Variants in TIPARP observed in about 807,000 individuals in gnomAD.
The protein encoded by TIPARP is protein mono-ADP-ribosyltransferase TIPARP.
TIPARP carries 12 observed loss-of-function variants against 56.5 expected under a neutral mutation model. The ratio of observed to expected loss-of-function variants is 0.21; its 90% CI spans 0.14 to 0.34. The LOEUF is 0.34. TIPARP is among the 10% of genes least tolerant of loss of function. The pLI is 1.00. For synonymous variants in TIPARP, 296 were observed against 265.7 expected, an observed-to-expected ratio of 1.11 and a Z score of -1.11; for missense variants, 604 against 781.6, an observed-to-expected ratio of 0.77 and a Z score of 2.71.
chr3:156,690,930 C>CT (rs375599250), intron 2 of TIPARP, among the ~76,000 whole-genome samples: 41 of 152,276 alleles, frequency 2.7e-4, no homozygotes, highest in African/African-American at 9.6e-4. Flanking sequence ...TGCTTTGACT[C>CT]TAACTTCATC....
intron 3 of TIPARP, 24 bp from the exon 4 acceptor site, chr3:156,695,841 T>TTTTGTTTTTTTTTC: frequency 1.4e-6 from 2 of 1,385,862 alleles, no homozygotes; most frequent in Non-Finnish European, 1.9e-6. Flanking sequence ...TTTTTTTTTT[T>TTTTGTTTTTTTTTC]TTGTTCTGTT....
intron 2 of TIPARP, among the ~76,000 whole-genome samples, chr3:156,686,885 GTTTAT>G (rs1349899413): frequency 6.6e-6 from 1 of 151,842 alleles, no homozygotes. Context: ...TTATAAAAAC[GTTTAT>G]TTTATCCCTT....
At chr3:156,678,994 C>T (rs991973538) in intron 2 of TIPARP, among the ~76,000 whole-genome samples, 3 of 152,148 alleles carry the variant, frequency 2.0e-5, no homozygotes, top group Non-Finnish European at 2.9e-5. Flanking sequence ...TTTTAAAGCT[C>T]TGCACATTGA....
At chr3:156,681,462 A>G (rs1166144915) in intron 2 of TIPARP, among the ~76,000 whole-genome samples, 2 of 152,236 alleles carry the variant, frequency 1.3e-5, no homozygotes, top group East Asian at 3.8e-4. Flanking sequence ...GAAAGTTCAT[A>G]GTTCTGGGTC....
chr3:156,705,824 T>C lies in TIPARP; in HGVS notation c.*693T>C, dbSNP rs3732824. On this transcript the variant is annotated 3_prime_UTR_variant, in exon 6 of 6. Transcript: ENST00000295924. ...CAAAACTTTTCACTAATTAGTGATA[T>C]GAAATGTGATTTTTGTGTTGTTAAA... 1 of 152,784 alleles carries C rather than the reference T, an allele frequency of 6.5e-6. No individual in the cohort carries two copies. Among genetic ancestry groups the C allele is most frequent in the East Asian group, 1.9e-4 (1 of 5,188 alleles). 9.5% of individuals were successfully genotyped at this position (152,784 alleles called of 1,614,324 possible).
At chr3:156,679,349 G>A (rs1423984950) in intron 2 of TIPARP, among the ~76,000 whole-genome samples, 1 of 151,928 alleles carries the variant, frequency 6.6e-6, no homozygotes, top group East Asian at 1.9e-4. Context: ...TAGTATGGAT[G>A]TCTAAGCAGC....
intron 2 of TIPARP, among the ~76,000 whole-genome samples, chr3:156,685,528 C>A (rs1292987771): frequency 1.3e-5 from 2 of 152,160 alleles, no homozygotes; most frequent in African/African-American, 2.4e-5. Flanking sequence ...AATTTGTATT[C>A]TTCATGCAAA....
At position 156,703,440 on chromosome 3, in the gene TIPARP, C is replaced by G. The variant is rs749686048; in HGVS notation, c.1264C>G (p.Pro422Ala). The change falls in exon 5 of 6, where the codon CCC becomes GCC. Residue 422 changes from proline to alanine, a missense_variant. Transcript: ENST00000295924. ...CCATTTTAGGACACTTGGTGGGGTT[C>G]CCACACAAGCTCCTCCACCTCTTGA... ...LPYLQTLGGV[P>A]TQAPPPLEAT... is the part of the protein sequence containing the mutation. 6.2e-7 allele frequency: 1 copy of G among 1,613,914 alleles called. No homozygotes were observed. The highest frequency in any genetic ancestry group is 1.3e-5 in the African/African-American group (1 of 74,890).
At chr3:156,692,338 CT>C (rs1445287070) in intron 2 of TIPARP, among the ~76,000 whole-genome samples, 4 of 151,974 alleles carry the variant, frequency 2.6e-5, no homozygotes, top group Admixed American at 2.6e-4. Flanking sequence ...GTTTACAGGA[CT>C]TTTTTTGTTT....
intron 2 of TIPARP, among the ~76,000 whole-genome samples, chr3:156,688,494 A>C (rs962199638): frequency 1.5e-4 from 15 of 101,316 alleles, no homozygotes; most frequent in East Asian, 4.1e-4. Context: ...CCCCCCCCGC[A>C]ATAAGTAGCC....
At chr3:156,699,831 A>T (rs1361551286) in intron 4 of TIPARP, among the ~76,000 whole-genome samples, 1 of 152,188 alleles carries the variant, frequency 6.6e-6, no homozygotes, top group Non-Finnish European at 1.5e-5. Context: ...GAGATCAGCA[A>T]ATCAAAGAAA....
At chr3:156,675,859 A>T (rs1030905221) in intron 1 of TIPARP, 5 of 151,990 alleles carry the variant, frequency 3.3e-5, no homozygotes, top group Non-Finnish European at 7.4e-5. Flanking sequence ...TGTTATGAAA[A>T]CTAATTGAGG....
At chr3:156,684,234 A>T (rs900667062) in intron 2 of TIPARP, among the ~76,000 whole-genome samples, 2 of 152,234 alleles carry the variant, frequency 1.3e-5, no homozygotes, top group Non-Finnish European at 2.9e-5. Flanking sequence ...GTCTTAAGGT[A>T]AAGTGAGTTC....
chr3:156,696,210 G>A (rs1722711744), intron 4 of TIPARP, among the ~76,000 whole-genome samples, 185 bp downstream of exon 4: 1 of 152,098 alleles, frequency 6.6e-6, no homozygotes, highest in Non-Finnish European at 1.5e-5. Flanking sequence ...AATAAATCCA[G>A]TTACACTAGA....
intron 3 of TIPARP, among the ~76,000 whole-genome samples, chr3:156,695,501 G>C (rs1053006080): frequency 1.3e-5 from 2 of 152,002 alleles, no homozygotes; most frequent in Non-Finnish European, 2.9e-5. Context: ...GTGGCTCACA[G>C]GCGTGAGCCA....
At chr3:156,683,220 C>T (rs1722346975) in intron 2 of TIPARP, among the ~76,000 whole-genome samples, 1 of 152,044 alleles carries the variant, frequency 6.6e-6, no homozygotes, top group African/African-American at 2.4e-5. Context: ...GGTTATGTGG[C>T]ATTCCCTAAA....
intron 2 of TIPARP, chr3:156,681,098 C>G (rs1722291365): frequency 2.2e-6 from 1 of 455,126 alleles, no homozygotes; most frequent in African/African-American, 2.0e-5. Flanking sequence ...TCCTTGTATT[C>G]CAAAGCGATG....
At chr3:156,694,676 T>C (rs1722667295) in intron 3 of TIPARP, among the ~76,000 whole-genome samples, 1 of 152,214 alleles carries the variant, frequency 6.6e-6, no homozygotes, top group African/African-American at 2.4e-5. Context: ...TTTACAATTT[T>C]CTCCTATGTG....
intron 5 of TIPARP, 117 bp downstream of exon 5, chr3:156,703,819 C>G: frequency 9.3e-7 from 1 of 1,076,112 alleles, no homozygotes; most frequent in South Asian, 1.6e-5. Flanking sequence ...CGAGACCATC[C>G]TAGCTAACAC....
Sources: gnomAD v4.1 joint callset for allele counts (sites outside exome capture counted in the v4.1 genomes callset) on GRCh38, gnomAD v4.1.1 for gene constraint, MANE v1.5 for transcripts, NCBI Gene and HGNC (gene_info 2026-07-23, HGNC 2026-07-21) for gene names.